MGST1: variants seen among roughly 807,000 people sequenced by gnomAD.
The protein encoded by MGST1 is glutathione S-transferase 12.
Under a neutral mutation model 8.9 loss-of-function variants are expected in MGST1, and 5 were observed. The ratio of observed to expected loss-of-function variants is 0.56; its 90% CI spans 0.29 to 1.19. The LOEUF is 1.19. Among genes scored for constraint, MGST1 ranks in the 50% most tolerant of loss-of-function variants. MGST1 has a pLI of 0.08. For synonymous variants in MGST1, 54 were observed against 67.8 expected, an observed-to-expected ratio of 0.80 and a Z score of 1.00; for missense variants, 182 against 187.4, an observed-to-expected ratio of 0.97 and a Z score of 0.17.
chr12:16,481,500 A>G (rs1941364208), intron 4 of MGST1, among the ~76,000 whole-genome samples: 1 of 152,220 alleles, frequency 6.6e-6, no homozygotes, highest in South Asian at 2.1e-4. Context: ...TAGGTGTTCT[A>G]AAAAGAAAAA....
In MGST1 at chr12:16,458,021, C is replaced by A. The variant is rs2137121230; in HGVS notation, n.482+74417C>A. ...TTCCCTAGGAAAGCTTTTGCTTGCC[C>A]TAGCAATATTATAACTGCTAATTCA... On this transcript the variant is annotated intron_variant and non_coding_transcript_variant, in intron 4 of 4. Transcript: ENST00000538857. This position sits in a 1 kb window ranked among gnomAD's most constrained non-coding sequence, Gnocchi z 4.0. 6.6e-6 allele frequency among the ~76,000 whole-genome samples: 1 copy of A among 152,056 alleles called. No individual in the cohort carries two copies. The highest frequency in any genetic ancestry group is 2.4e-5 in the African/African-American group (1 of 41,524).
At chr12:16,405,918 TA>T (rs1395607062) in intron 1 of MGST1, among the ~76,000 whole-genome samples, 3 of 152,166 alleles carry the variant, frequency 2.0e-5, no homozygotes, top group Non-Finnish European at 4.4e-5. Context: ...TTCAAAATAA[TA>T]AGAGTCATCT....
At chr12:16,515,282 G>A (rs888217629) in intron 4 of MGST1, among the ~76,000 whole-genome samples, 1 of 152,108 alleles carries the variant, frequency 6.6e-6, no homozygotes, top group African/African-American at 2.4e-5. Context: ...TAGGCACAAA[G>A]AATTTTAACC....
downstream of MGST1, among the ~76,000 whole-genome samples, chr12:16,443,477 C>T (rs1484279592): frequency 6.6e-6 from 1 of 150,486 alleles, no homozygotes; most frequent in African/African-American, 2.4e-5. Context: ...TTTATTTTAT[C>T]TCCTCTATTA....
intron 1 of MGST1, among the ~76,000 whole-genome samples, chr12:16,395,315 G>A (rs556988821): frequency 7.9e-5 from 12 of 152,052 alleles, no homozygotes; most frequent in Middle Eastern, 3.4e-3. Flanking sequence ...ATATATGTCC[G>A]TGTACTTTTC....
downstream of MGST1, among the ~76,000 whole-genome samples, chr12:16,440,500 C>T (rs149910670): frequency 3.0e-3 from 459 of 151,844 alleles, 1 homozygote; most frequent in Middle Eastern, 0.01. Flanking sequence ...TAAATGGAGT[C>T]AGATAGCATT....
intron 1 of MGST1, among the ~76,000 whole-genome samples, chr12:16,352,320 A>G (rs1043755540): frequency 2.0e-5 from 3 of 152,224 alleles, no homozygotes; most frequent in African/African-American, 4.8e-5. Flanking sequence ...ATATAAATGT[A>G]TAGATTACTG....
At chr12:16,373,136 A>G (rs73316655) in intron 3 of MGST1, among the ~76,000 whole-genome samples, 8,174 of 151,654 alleles carry the variant, frequency 0.054, 404 homozygotes, top group African/African-American at 0.13. Context: ...TATGTTAGTG[A>G]AATAATCCAA....
At chr12:16,533,964 A>C (rs1941738870) in intron 4 of MGST1, among the ~76,000 whole-genome samples, 1 of 152,188 alleles carries the variant, frequency 6.6e-6, no homozygotes, top group Non-Finnish European at 1.5e-5. Context: ...GAACATGGCT[A>C]TTCAGGAATA....
rs569004966 is a variant in MGST1 at position 16,408,522 on chromosome 12, G to A, written n.778+24918G>A. Among the ~76,000 whole-genome samples the A allele has an allele frequency of 2.4e-4, 37 of 152,204 alleles. 1 individual carries two copies. In the South Asian group the frequency reaches 6.9e-3, roughly 28 times the overall value. On this transcript the variant is annotated intron_variant and non_coding_transcript_variant, in intron 1 of 1. Coordinates refer to the MGST1 transcript ENST00000359720. ...TTCCATTAATTTTGTTGGGATGAAA[G>A]CTATCAGACCAACTGTACCTCTTTT...
At chr12:16,564,799 A>G (rs1489819862) in intron 4 of MGST1, among the ~76,000 whole-genome samples, 1 of 152,136 alleles carries the variant, frequency 6.6e-6, no homozygotes, top group Non-Finnish European at 1.5e-5. Context: ...TTTAGAAGTT[A>G]TTTTATTTTA....
chr12:16,350,653 A>G (rs148638488), intron 1 of MGST1: 2 of 152,332 alleles, frequency 1.3e-5, no homozygotes, highest in Non-Finnish European at 2.9e-5. Flanking sequence ...TTTGGGGGAA[A>G]AAAAGTTTAC....
chr12:16,356,924 G>C (rs1300499014), intron 2 of MGST1, among the ~76,000 whole-genome samples: 1 of 152,146 alleles, frequency 6.6e-6, no homozygotes, highest in Non-Finnish European at 1.5e-5. Flanking sequence ...CAATCGCTTG[G>C]AAATGTTAAT....
intron 4 of MGST1, among the ~76,000 whole-genome samples, chr12:16,498,610 A>G (rs1174097486): frequency 6.6e-6 from 1 of 152,170 alleles, no homozygotes; most frequent in Non-Finnish European, 1.5e-5. Flanking sequence ...AGGGCAGAGC[A>G]TGTGAGGCTA....
chr12:16,404,418 T>C (rs1940683376), intron 1 of MGST1, among the ~76,000 whole-genome samples: 1 of 152,076 alleles, frequency 6.6e-6, no homozygotes, highest in Admixed American at 6.5e-5. Flanking sequence ...GTGCATTTAG[T>C]TCATTTTTAT....
At chr12:16,551,392 AT>A in intron 4 of MGST1, 2 of 990,728 alleles carry the variant, frequency 2.0e-6, no homozygotes, top group Non-Finnish European at 1.6e-6. Flanking sequence ...AAATTTGAAG[AT>A]TTATTTTCCT....
intron 1 of MGST1, among the ~76,000 whole-genome samples, chr12:16,351,982 C>T (rs148071473): frequency 6.6e-6 from 1 of 152,088 alleles, no homozygotes; most frequent in Non-Finnish European, 1.5e-5. Flanking sequence ...CACTTAATGT[C>T]AATTGAATTA....
intron 1 of MGST1, among the ~76,000 whole-genome samples, chr12:16,425,936 A>T (rs577676731): frequency 6.6e-6 from 1 of 152,120 alleles, no homozygotes; most frequent in South Asian, 2.1e-4. Context: ...TATCACTTTC[A>T]TTTGTTTTTT....
At chr12:16,454,733 A>C (rs1941156751) in intron 4 of MGST1, among the ~76,000 whole-genome samples, 1 of 151,844 alleles carries the variant, frequency 6.6e-6, no homozygotes, top group African/African-American at 2.4e-5. Flanking sequence ...TAATATTTCT[A>C]CTGGAAAATA....
Sources: allele counts gnomAD v4.1 joint callset (sites outside exome capture counted in the v4.1 genomes callset), GRCh38; gene constraint gnomAD v4.1.1; non-coding constraint Gnocchi (gnomAD v3.1); transcripts MANE v1.5; gene names NCBI Gene and HGNC (gene_info 2026-07-23, HGNC 2026-07-21).